The following TENM3 variants were observed in gnomAD, a reference collection of about 807,000 sequenced individuals.
TENM3 encodes teneurin transmembrane protein 3, also known as teneurin-3.
In TENM3, 63 loss-of-function variants were observed where a neutral mutation model predicts 255.1. That is an observed-to-expected ratio of 0.25 (90% CI 0.20 to 0.30). The LOEUF is 0.30. Among genes scored for constraint, TENM3 ranks in the 10% least tolerant of loss-of-function variants. TENM3 has a pLI of 1.00. For synonymous variants in TENM3, 1,306 were observed against 1,322.3 expected (o/e 0.99, Z 0.27); for missense variants, 2,929 against 3,461.1 (o/e 0.85, Z 3.86).
intron 12 of TENM3, among the ~76,000 whole-genome samples, chr4:182,699,348 A>G (rs1757673945): frequency 6.6e-6 from 1 of 152,236 alleles, no homozygotes; most frequent in African/African-American, 2.4e-5. Flanking sequence ...TCATTGAAAT[A>G]TGCCTGATTC....
At chr4:182,473,056 C>T (rs138811658) in intron 3 of TENM3, among the ~76,000 whole-genome samples, 80 of 152,198 alleles carry the variant, frequency 5.3e-4, no homozygotes, top group African/African-American at 1.7e-3. Context: ...TAATAATTTA[C>T]GAAACTCCTC....
chr4:182,600,870 T>TAC (rs2152411594), intron 3 of TENM3, 54 bp from the exon 4 acceptor site: 2 of 791,226 alleles, frequency 2.5e-6, no homozygotes, highest in South Asian at 2.1e-5. Flanking sequence ...TGTATATACA[T>TAC]ATATATATAT....
At chr4:182,488,083 T>G (rs1486705572) in intron 3 of TENM3, among the ~76,000 whole-genome samples, 1 of 152,176 alleles carries the variant, frequency 6.6e-6, no homozygotes, top group East Asian at 1.9e-4. Flanking sequence ...AAATAATGAT[T>G]AATTGCTTGC....
intron 3 of TENM3, among the ~76,000 whole-genome samples, chr4:182,521,144 A>G (rs1221848544): frequency 6.6e-6 from 1 of 152,208 alleles, no homozygotes; most frequent in Non-Finnish European, 1.5e-5. Context: ...TCAAGGTTAA[A>G]TGGGTCATCA....
chr4:181,921,320 T>C, the TENM3 span, among the ~76,000 whole-genome samples: 23,824 of 152,176 alleles, frequency 0.16, 1,943 homozygotes, highest in South Asian at 0.29. Context: ...TAAATTCCCT[T>C]GGGCAGTATG....
chr4:182,368,049 C>G lies in TENM3; in HGVS notation c.511+21120C>G, dbSNP rs140082802. Among the ~76,000 whole-genome samples, 5 of 152,308 alleles carry G rather than the reference C, an allele frequency of 3.3e-5. No individual in the cohort carries two copies. In the East Asian group the frequency reaches 9.6e-4, roughly 29 times the overall value. On this transcript the variant is annotated intron_variant, in intron 3 of 27. Coordinates refer to ENST00000511685, the MANE Select transcript of TENM3 (RefSeq NM_001080477.4). ...GCACTAATTTGCTGCTAGAGTAAGACCCTAGCGATTGAATAGCAGAGTCTG... is the reference window on the plus strand; with the variant it reads ...GCACTAATTTGCTGCTAGAGTAAGAGCCTAGCGATTGAATAGCAGAGTCTG...
At chr4:182,591,104 G>C (rs543582301) in intron 3 of TENM3, among the ~76,000 whole-genome samples, 82 of 152,232 alleles carry the variant, frequency 5.4e-4, no homozygotes, top group Non-Finnish European at 1.0e-3. Flanking sequence ...AAACACTCAA[G>C]AGATGCTAAA....
intron 1 of TENM3, among the ~76,000 whole-genome samples, chr4:182,234,681 G>A (rs1579831589): frequency 1.3e-5 from 2 of 152,100 alleles, no homozygotes; most frequent in East Asian, 1.9e-4. Context: ...GCAGTGAGCC[G>A]AGATTGCACC....
chr4:181,792,440 C>T, the TENM3 span, among the ~76,000 whole-genome samples: 3 of 152,020 alleles, frequency 2.0e-5, no homozygotes, highest in South Asian at 2.1e-4. Flanking sequence ...AGCAATATAC[C>T]GGAAAAGAAG....
At chr4:182,314,087 C>T (rs1284175229) in intron 1 of TENM3, among the ~76,000 whole-genome samples, 2 of 152,078 alleles carry the variant, frequency 1.3e-5, no homozygotes, top group African/African-American at 4.8e-5. Context: ...CCGAGGCAGG[C>T]AGATCACGAG....
At chr4:182,082,329 A>G in the TENM3 span, among the ~76,000 whole-genome samples, 1 of 152,086 alleles carries the variant, frequency 6.6e-6, no homozygotes, top group African/African-American at 2.4e-5. Flanking sequence ...CTCCATCCTC[A>G]TGACCTAATC....
At chr4:181,590,835 T>C in the TENM3 span, among the ~76,000 whole-genome samples, 1 of 152,188 alleles carries the variant, frequency 6.6e-6, no homozygotes, top group Non-Finnish European at 1.5e-5. Context: ...ACAGCATCAA[T>C]AATAAAAATT....
chr4:181,854,305 T>G, the TENM3 span, among the ~76,000 whole-genome samples: 1 of 152,204 alleles, frequency 6.6e-6, no homozygotes, highest in African/African-American at 2.4e-5. Flanking sequence ...CTTGTCATAC[T>G]TCATCTGCTG....
At chr4:182,104,688 A>G in the TENM3 span, among the ~76,000 whole-genome samples, 2 of 151,298 alleles carry the variant, frequency 1.3e-5, no homozygotes, top group African/African-American at 4.9e-5. Flanking sequence ...ATTTTTTTGT[A>G]TTTTTAGTAG....
chr4:181,993,434 C>T, the TENM3 span, among the ~76,000 whole-genome samples: 1,209 of 152,198 alleles, frequency 7.9e-3, 63 homozygotes, highest in East Asian at 0.16. Flanking sequence ...TTATAGTAAT[C>T]GTGAGCAACT....
At chr4:182,643,236 T>A (rs1752465366) in intron 5 of TENM3, among the ~76,000 whole-genome samples, 1 of 152,204 alleles carries the variant, frequency 6.6e-6, no homozygotes, top group African/African-American at 2.4e-5. Context: ...CACATGTGCA[T>A]CGTGTATATT....
intron 12 of TENM3, among the ~76,000 whole-genome samples, chr4:182,692,525 A>G (rs890944186): frequency 1.3e-5 from 2 of 152,184 alleles, no homozygotes; most frequent in South Asian, 2.1e-4. Flanking sequence ...GTTATCTACT[A>G]TGGAGGGTTG....
At chr4:181,694,746 C>T in the TENM3 span, among the ~76,000 whole-genome samples, 1 of 152,200 alleles carries the variant, frequency 6.6e-6, no homozygotes, top group African/African-American at 2.4e-5. Context: ...TTTGCGTTAA[C>T]AACAACCAAT....
At chr4:182,406,922 G>C (rs923115923) in intron 3 of TENM3, among the ~76,000 whole-genome samples, 45 of 152,132 alleles carry the variant, frequency 3.0e-4, no homozygotes, top group African/African-American at 1.0e-3. Context: ...AGATTTTTAG[G>C]TTAGAGGAGG....
Sources: allele counts gnomAD v4.1 joint callset (sites outside exome capture counted in the v4.1 genomes callset), GRCh38; gene constraint gnomAD v4.1.1; transcripts MANE v1.5; gene names NCBI Gene and HGNC (gene_info 2026-07-23, HGNC 2026-07-21).